The following HERC2 variants were observed in gnomAD, a reference collection of about 807,000 sequenced individuals.
The protein encoded by HERC2 is E3 ubiquitin-protein ligase HERC2.
In HERC2, 102 loss-of-function variants were observed where a neutral mutation model predicts 537.7. The observed-to-expected ratio is 0.19, with a 90% CI of 0.16 to 0.22. HERC2 has a LOEUF of 0.22. Among genes scored for constraint, HERC2 ranks in the 10% least tolerant of loss-of-function variants. The pLI is 1.00. For missense variants in HERC2, 4,236 were observed against 6,198.2 expected (o/e 0.68, Z 10.63); for synonymous variants, 2,224 against 2,466.2 (o/e 0.90, Z 2.91).
intron 3 of HERC2, among the ~76,000 whole-genome samples, chr15:28,297,978 C>A (rs1596423817): frequency 1.4e-5 from 2 of 146,894 alleles, no homozygotes; most frequent in African/African-American, 5.1e-5. Context: ...GGGTCTGCAG[C>A]CACTCACTGT....
chr15:28,216,714 C>T (rs1190063646), intron 38 of HERC2, among the ~76,000 whole-genome samples: 1 of 149,484 alleles, frequency 6.7e-6, no homozygotes, highest in East Asian at 1.9e-4. Context: ...ACTCATACAC[C>T]CACCCTCACA....
In HERC2 at chr15:28,132,042, TGGGGGCCC is replaced by T. The variant is rs2142163897; in HGVS notation, c.12570+50_12570+57del. 5 of 1,301,734 alleles carry T rather than the reference TGGGGGCCC, an allele frequency of 3.8e-6. No individual in the cohort carries two copies. The East Asian group carries it at 1.2e-4, about 30-fold the overall frequency. The allele number at this position is 1,301,734 out of a possible 1,614,324, so 80.6% of individuals were successfully genotyped here. A position where few individuals can be genotyped will look rare whatever the true frequency, so the allele number is the denominator to read the frequency against. On this transcript the variant is annotated intron_variant, in intron 81 of 92. Coordinates refer to ENST00000261609, the MANE Select transcript of HERC2 (RefSeq NM_004667.6). ...AGGCTGTGTTTTCCCAGAGGGGCCC[TGGGGGCCC>T]GACTGCGGTGAGCTGGGAGAGCACT... is the stretch of plus-strand genomic sequence containing the variant.
chr15:28,153,688 C>T (rs1234530065), intron 69 of HERC2, among the ~76,000 whole-genome samples: 1 of 152,096 alleles, frequency 6.6e-6, no homozygotes, highest in Admixed American at 6.5e-5. Flanking sequence ...TGGAAGGCTC[C>T]CAACACACAC....
chr15:28,274,148 C>T (rs1394584936), intron 7 of HERC2, 143 bp downstream of exon 7: 6 of 723,390 alleles, frequency 8.3e-6, no homozygotes, highest in Admixed American at 2.9e-5. Flanking sequence ...AACCCAGACC[C>T]GGAATCACAG....
At chr15:28,277,259 C>G (rs2075898954) in intron 5 of HERC2, among the ~76,000 whole-genome samples, 1 of 151,920 alleles carries the variant, frequency 6.6e-6, no homozygotes, top group Non-Finnish European at 1.5e-5. Context: ...AAATCCACAC[C>G]TGAAAAAATT....
At chr15:28,229,050 A>G in intron 34 of HERC2, 145 bp downstream of exon 34, 3 of 789,392 alleles carry the variant, frequency 3.8e-6, no homozygotes, top group Non-Finnish European at 6.5e-6. Context: ...AATCTGAGAA[A>G]GCTGACAGCA....
intron 23 of HERC2, among the ~76,000 whole-genome samples, chr15:28,244,355 T>C (rs544179932): frequency 4.6e-4 from 70 of 152,248 alleles, no homozygotes; most frequent in Non-Finnish European, 9.0e-4. Context: ...TCCACTTATA[T>C]GAAGTCCGAG....
rs994452449 is a variant in HERC2, at chr15:28,167,787, G to C, written c.10454C>G (p.Thr3485Ser). The C allele has an allele frequency of 2.5e-6, 4 of 1,614,086 alleles. No homozygotes were observed. The Admixed American group carries it at 6.7e-5, about 27-fold the overall frequency. Residue 3485 changes from threonine to serine, a missense_variant, in exon 68 of 93, where the codon ACT (threonine) becomes AGT (serine). Thr to Ser is a moderately conservative substitution (Grantham distance 58). This residue lies in a region of HERC2 where 356 missense variants were observed against 450.9 expected (regional missense o/e 0.79). Coordinates refer to ENST00000261609, the MANE Select transcript of HERC2 (RefSeq NM_004667.6). Reference sequence around the variant, plus strand: ...AGCGGAGGCTGAGGGGGCCGACGGAGTCACTGCAGAGGGGGTCACTGCGTC... The same window carrying C: ...AGCGGAGGCTGAGGGGGCCGACGGACTCACTGCAGAGGGGGTCACTGCGTC... ...SEDAVTPSAVTPSAPSASARP... is the reference protein window; with the variant it reads ...SEDAVTPSAVSPSAPSASARP...
Position 28,254,401 on chromosome 15 carries a change from T to C in HERC2, c.2989A>G (p.Ile997Val). 2 of 1,608,954 alleles carry C rather than the reference T, an allele frequency of 1.2e-6. No homozygotes were observed. Among genetic ancestry groups the C allele is most frequent in the South Asian group, 2.2e-5 (2 of 89,802 alleles). The change falls in exon 20 of 93, where the codon ATC (isoleucine) becomes GTC (valine). Residue 997 changes from isoleucine (I) to valine (V), a missense_variant. Physicochemically the swap from Ile to Val is conservative, Grantham distance 29. This residue lies in a region of HERC2 where 754 missense variants were observed against 1,085.0 expected (regional missense o/e 0.69). Coordinates refer to ENST00000261609, the MANE Select transcript of HERC2 (RefSeq NM_004667.6). ...PLDKDLINTGICESSGKQCLP... is the reference protein window; with the variant it reads ...PLDKDLINTGVCESSGKQCLP... ...CACTGTTTGCCAGAAGACTCACAGA[T>C]CCCCGTATTAATAAGGTCTTTATCC...
intron 68 of HERC2, among the ~76,000 whole-genome samples, chr15:28,166,567 G>T (rs1894157578): frequency 6.6e-6 from 1 of 152,198 alleles, no homozygotes; most frequent in Admixed American, 6.5e-5. Context: ...GCTTCTTGAA[G>T]AAATGGCTGA....
At chr15:28,196,798 C>T (rs1897386913) in intron 50 of HERC2, among the ~76,000 whole-genome samples, 2 of 152,124 alleles carry the variant, frequency 1.3e-5, no homozygotes, top group South Asian at 2.1e-4. Context: ...TGGCCTGAGG[C>T]GACAATCGTT....
In HERC2 at chr15:28,132,638, A is replaced by G. The variant is rs1320062121; in HGVS notation, c.12408+15T>C. On this transcript the variant is annotated intron_variant, in intron 80 of 92. Coordinates refer to ENST00000261609, the MANE Select transcript of HERC2 (RefSeq NM_004667.6). ...AGCATGCAGCCTCCGGCCTCTGCACACGGCGCCTCCTCACCAGCTTCGGCT... is the reference window on the plus strand; with the variant it reads ...AGCATGCAGCCTCCGGCCTCTGCACGCGGCGCCTCCTCACCAGCTTCGGCT... 6.8e-7 allele frequency: 1 copy of G among 1,462,778 alleles called. No individual in the cohort carries two copies. The highest frequency in any genetic ancestry group is 1.4e-5 in the African/African-American group (1 of 69,270). The allele number at this position is 1,462,778 out of a possible 1,614,324, so 90.6% of individuals were successfully genotyped here. A position where few individuals can be genotyped will look rare whatever the true frequency, so the allele number is the denominator to read the frequency against.
At chr15:28,137,835 G>C (rs1566932695) in intron 78 of HERC2, among the ~76,000 whole-genome samples, 1 of 152,338 alleles carries the variant, frequency 6.6e-6, no homozygotes, top group Admixed American at 6.5e-5. Context: ...TAAGATTAGT[G>C]AGTAAGGCAC....
intron 17 of HERC2, 63 bp downstream of exon 17, chr15:28,256,998 A>C: frequency 7.0e-7 from 1 of 1,419,098 alleles, no homozygotes. Flanking sequence ...AAAATACATA[A>C]ACCTTCTTAC....
chr15:28,215,819 A>G lies in HERC2; in HGVS notation c.6029-17T>C, dbSNP rs1424337176. The G allele has an allele frequency of 6.6e-7, 1 of 1,505,910 alleles. No homozygotes were observed. The allele number at this position is 1,505,910 out of a possible 1,614,324, so 93.3% of individuals were successfully genotyped here. A position where few individuals can be genotyped will look rare whatever the true frequency, so the allele number is the denominator to read the frequency against. On this transcript the variant is annotated splice_polypyrimidine_tract_variant and intron_variant, in intron 38 of 92. Coordinates refer to ENST00000261609, the MANE Select transcript of HERC2 (RefSeq NM_004667.6). ...TTGGAGAAGCTGCAGGAGGGAAAAT[A>G]GACATGCTTGGTAACAAGTCCCTAA...
At chr15:28,256,388 T>G in intron 17 of HERC2, 71 bp from the exon 18 acceptor site, 1 of 973,080 alleles carries the variant, frequency 1.0e-6, no homozygotes, top group Non-Finnish European at 1.5e-6. Flanking sequence ...TATTAAACAC[T>G]GAATAAAAGT....
intron 44 of HERC2, among the ~76,000 whole-genome samples, chr15:28,208,106 T>C (rs1318719951): frequency 6.6e-6 from 1 of 152,210 alleles, no homozygotes; most frequent in Non-Finnish European, 1.5e-5. Context: ...TGGGAAATCT[T>C]CATGTTCCCT....
At chr15:28,160,179 C>T (rs1332544693) in intron 69 of HERC2, among the ~76,000 whole-genome samples, 1 of 152,216 alleles carries the variant, frequency 6.6e-6, no homozygotes, top group Non-Finnish European at 1.5e-5. Flanking sequence ...ACTCGGGGGT[C>T]AGGGACCCAC....
At chr15:28,164,537 AT>A (rs931692027) in intron 68 of HERC2, among the ~76,000 whole-genome samples, 218 of 132,258 alleles carry the variant, frequency 1.6e-3, no homozygotes, top group African/African-American at 5.0e-3. Context: ...TGTACCTACC[AT>A]TTTTTTTTAT....
Sources: allele counts gnomAD v4.1 joint callset (sites outside exome capture counted in the v4.1 genomes callset), GRCh38; gene constraint gnomAD v4.1.1; regional missense constraint gnomAD v4.1.1; transcripts MANE v1.5; gene names NCBI Gene and HGNC (gene_info 2026-07-23, HGNC 2026-07-21).